The following PDE1C variants were observed in gnomAD, a reference collection of about 807,000 sequenced individuals.
The protein encoded by PDE1C is phosphodiesterase 1C, also known as dual specificity calcium/calmodulin-dependent 3',5'-cyclic nucleotide phosphodiesterase 1C.
Under a neutral mutation model 93.1 loss-of-function variants are expected in PDE1C, and 62 were observed. The ratio of observed to expected loss-of-function variants is 0.67; its 90% confidence interval spans 0.54 to 0.82. The LOEUF (loss-of-function observed/expected upper bound fraction) is 0.82, where lower values mean the gene tolerates loss of function less well. Among genes scored for constraint, PDE1C ranks in the 40% least tolerant of loss-of-function variants. PDE1C has a pLI of 0.00. For missense variants in PDE1C, 742 were observed against 884.6 expected (o/e 0.84, Z 2.04); for synonymous variants, 325 against 310.1 (o/e 1.05, Z -0.50).
At chr7:31,819,649 T>C (rs1788711905) in intron 14 of PDE1C, among the ~76,000 whole-genome samples, 1 of 152,054 alleles carries the variant, frequency 6.6e-6, no homozygotes, top group African/African-American at 2.4e-5. Flanking sequence ...GCCCTCGAGA[T>C]CCATAAATTT....
intron 1 of PDE1C, among the ~76,000 whole-genome samples, chr7:32,281,008 G>T (rs901891211): frequency 2.3e-4 from 35 of 151,950 alleles, no homozygotes; most frequent in African/African-American, 7.3e-4. Flanking sequence ...AAATAAAGAG[G>T]AAATTCCAAA....
intron 14 of PDE1C, 80 bp from the exon 15 acceptor site, chr7:31,816,234 C>A (rs1408951427): frequency 2.3e-6 from 3 of 1,285,912 alleles, no homozygotes; most frequent in African/African-American, 3.0e-5. Context: ...TGTTTTAGTA[C>A]ACAAAGAGTA....
chr7:31,673,900 T>G, the PDE1C span, among the ~76,000 whole-genome samples: 2 of 152,108 alleles, frequency 1.3e-5, no homozygotes, highest in Non-Finnish European at 2.9e-5. Context: ...ATGATCGGAG[T>G]CCAACTGGGG....
At chr7:32,096,328 T>C (rs1156799227) in intron 3 of PDE1C, among the ~76,000 whole-genome samples, 1 of 152,192 alleles carries the variant, frequency 6.6e-6, no homozygotes, top group Non-Finnish European at 1.5e-5. Flanking sequence ...AAATGTTTCT[T>C]AAAGCCCACG....
chr7:32,253,820 A>C (rs189741795), intron 1 of PDE1C, among the ~76,000 whole-genome samples: 1 of 152,316 alleles, frequency 6.6e-6, no homozygotes, highest in Non-Finnish European at 1.5e-5. Context: ...GTCCACTCTA[A>C]GGTCAGAGGA....
intron 1 of PDE1C, among the ~76,000 whole-genome samples, chr7:32,308,768 C>G (rs1402849798): frequency 6.6e-6 from 1 of 152,020 alleles, no homozygotes; most frequent in East Asian, 1.9e-4. Context: ...TCATCAAAGA[C>G]CAAAAGTAGG....
chr7:32,056,740 T>C (rs1794169252), intron 1 of PDE1C, among the ~76,000 whole-genome samples: 2 of 152,294 alleles, frequency 1.3e-5, no homozygotes, highest in Non-Finnish European at 2.9e-5. Flanking sequence ...TATAATTCAG[T>C]AGGTTTTCAA....
At chr7:31,993,778 T>C (rs971932197) in intron 2 of PDE1C, among the ~76,000 whole-genome samples, 2 of 152,236 alleles carry the variant, frequency 1.3e-5, no homozygotes, top group African/African-American at 4.8e-5. Flanking sequence ...CTTTGTGATA[T>C]TGACACGTCT....
In PDE1C at chr7:31,943,637, A is replaced by G. The variant is rs79085574; in HGVS notation, c.129-62777T>C. Among the ~76,000 whole-genome samples the G allele has an allele frequency of 9.2e-3, 1,399 of 152,276 alleles. 16 individuals carry two copies. The highest frequency in any genetic ancestry group is 0.029 in the African/African-American group (1,219 of 41,560). ...GACCAGGAGTATAAACCCATGAACA[A>G]TGACTAATTCTTCAAAGGTATCTAA... On this transcript the variant is annotated intron_variant, in intron 2 of 17. Transcript: ENST00000396191.
At chr7:31,697,904 C>G in the PDE1C span, among the ~76,000 whole-genome samples, 1 of 152,136 alleles carries the variant, frequency 6.6e-6, no homozygotes, top group South Asian at 2.1e-4. Context: ...ACTTACTCAT[C>G]TACTTTAAAG....
intron 1 of PDE1C, among the ~76,000 whole-genome samples, chr7:32,311,920 G>A: frequency 6.6e-6 from 1 of 151,950 alleles, no homozygotes; most frequent in East Asian, 1.9e-4. Flanking sequence ...TTAGGCAGGA[G>A]AAGGAAATAA....
At chr7:32,297,989 CTCTCTCT>C (rs1812703963) in intron 1 of PDE1C, among the ~76,000 whole-genome samples, 1 of 35,026 alleles carries the variant, frequency 2.9e-5, no homozygotes. Flanking sequence ...CTCTCTCTCT[CTCTCTCT>C]CCTCTCTCTC....
chr7:31,751,571 A>T lies in PDE1C; in HGVS notation c.*1813T>A, dbSNP rs1355017370. ...AAGCATCTGTGTATAAACAGATAGG[A>T]ATTACCTGTTGAGTTAACCTAATCC... On this transcript the variant is annotated 3_prime_UTR_variant, in exon 18 of 18. Coordinates refer to ENST00000396191, the MANE Select transcript of PDE1C (RefSeq NM_001191057.4). The T allele has an allele frequency of 6.6e-6, 1 of 152,220 alleles. No homozygotes were observed. The highest frequency in any genetic ancestry group is 6.5e-5 in the Admixed American group (1 of 15,278). The allele number at this position is 152,220 out of a possible 1,614,324, so 9.4% of individuals were successfully genotyped here. A position where few individuals can be genotyped will look rare whatever the true frequency, so the allele number is the denominator to read the frequency against.
chr7:31,980,637 C>A lies in PDE1C; in HGVS notation c.128+70917G>T, dbSNP rs372228760. On this transcript the variant is annotated intron_variant, in intron 2 of 17. Transcript: ENST00000396191. Reference sequence around the variant, plus strand: ...TGTTGCTGCCTTAACAAATACCACACCTTAGTGGCTTAAAACAACACAAAT... The same window carrying A: ...TGTTGCTGCCTTAACAAATACCACAACTTAGTGGCTTAAAACAACACAAAT... 1.6e-4 allele frequency among the ~76,000 whole-genome samples: 24 copies of A among 152,218 alleles called. 1 individual carries two copies. The highest frequency in any genetic ancestry group is 1.3e-3 in the East Asian group (7 of 5,188).
intron 1 of PDE1C, among the ~76,000 whole-genome samples, chr7:32,341,718 A>T (rs913962500): frequency 6.6e-6 from 1 of 152,144 alleles, no homozygotes; most frequent in African/African-American, 2.4e-5. Context: ...GCACCAAGCA[A>T]TTAAAAATCC....
chr7:31,639,069 G>T, the PDE1C span, among the ~76,000 whole-genome samples: 114,390 of 152,046 alleles, frequency 0.75, 43,194 homozygotes, highest in East Asian at 0.83. Context: ...GAGCCACTGC[G>T]CCCAGCCAGT....
At chr7:32,047,201 G>T in intron 2 of PDE1C, among the ~76,000 whole-genome samples, 1 of 151,936 alleles carries the variant, frequency 6.6e-6, no homozygotes, top group Non-Finnish European at 1.5e-5. Flanking sequence ...TTTCTCAAAG[G>T]TATAAACTTC....
chr7:32,296,168 T>C (rs953491016), intron 1 of PDE1C, among the ~76,000 whole-genome samples: 1 of 152,186 alleles, frequency 6.6e-6, no homozygotes, highest in African/African-American at 2.4e-5. Flanking sequence ...AAAATGACAG[T>C]TGATTTTCTT....
At chr7:32,322,529 A>G (rs1023792493) in intron 1 of PDE1C, among the ~76,000 whole-genome samples, 1 of 152,200 alleles carries the variant, frequency 6.6e-6, no homozygotes, top group Non-Finnish European at 1.5e-5. Flanking sequence ...ACTTGAGCCC[A>G]GGAGTTCAAG....
Sources: gnomAD v4.1 joint callset for allele counts (sites outside exome capture counted in the v4.1 genomes callset) on GRCh38, gnomAD v4.1.1 for gene constraint, MANE v1.5 for transcripts, NCBI Gene and HGNC (gene_info 2026-07-23, HGNC 2026-07-21) for gene names.